The following RIT2 variants were observed in gnomAD, a reference collection of about 807,000 sequenced individuals.
RIT2 encodes GTP-binding protein Rit2.
In RIT2, 24 loss-of-function variants were observed where a neutral mutation model predicts 23.7. That is an observed-to-expected ratio of 1.01 (90% CI 0.73 to 1.43). RIT2 has a LOEUF of 1.43. Among genes scored for constraint, RIT2 ranks in the 40% most tolerant of loss-of-function variants. The probability of loss-of-function intolerance (pLI) is 0.00; values close to 1 mark genes in which losing one functional copy is unlikely to be tolerated. For synonymous variants in RIT2, 107 were observed against 91.1 expected, an observed-to-expected ratio of 1.17 and a Z score of -0.99; for missense variants, 236 against 266.9, an observed-to-expected ratio of 0.88 and a Z score of 0.81.
At chr18:42,770,362 A>G (rs1368406410) in intron 4 of RIT2, among the ~76,000 whole-genome samples, 1 of 152,196 alleles carries the variant, frequency 6.6e-6, no homozygotes, top group Admixed American at 6.5e-5. Flanking sequence ...GCCCCTCCAT[A>G]GACTACACAC....
At chr18:42,994,353 G>A (rs924865955) in intron 2 of RIT2, among the ~76,000 whole-genome samples, 25 of 152,078 alleles carry the variant, frequency 1.6e-4, no homozygotes, top group South Asian at 4.2e-4. Context: ...CCTGCCGATC[G>A]TGTCCGACTG....
At chr18:42,836,003 C>CT (rs1906593185) in intron 4 of RIT2, among the ~76,000 whole-genome samples, 1 of 152,104 alleles carries the variant, frequency 6.6e-6, no homozygotes, top group Admixed American at 6.5e-5. Flanking sequence ...ATGAGGTAAT[C>CT]TTTAAGTTTC....
chr18:42,795,316 T>A (rs1327813271), intron 4 of RIT2, among the ~76,000 whole-genome samples: 1 of 152,018 alleles, frequency 6.6e-6, no homozygotes, highest in Admixed American at 6.5e-5. Context: ...CGGGTGGGCG[T>A]GGGCTTGGAA....
chr18:42,960,594 C>T (rs1347007246), intron 3 of RIT2, among the ~76,000 whole-genome samples: 2 of 152,110 alleles, frequency 1.3e-5, no homozygotes, highest in East Asian at 3.9e-4. Flanking sequence ...GGATTACAGG[C>T]GTGAGCCACT....
At chr18:43,101,747 G>A (rs1462577390) in intron 1 of RIT2, among the ~76,000 whole-genome samples, 3 of 152,136 alleles carry the variant, frequency 2.0e-5, no homozygotes, top group African/African-American at 7.2e-5. Flanking sequence ...AGGTAAAAAT[G>A]TTTTCAATTT....
intron 1 of RIT2, among the ~76,000 whole-genome samples, chr18:43,105,498 A>AGGAAGAAAGGG (rs1568083831): frequency 3.8e-5 from 2 of 52,154 alleles, no homozygotes; most frequent in African/African-American, 1.3e-4. Context: ...GGGAGGAAGA[A>AGGAAGAAAGGG]AGGGAGGGAG....
intron 4 of RIT2, among the ~76,000 whole-genome samples, chr18:42,809,001 G>A (rs1432501847): frequency 2.6e-5 from 4 of 152,098 alleles, no homozygotes; most frequent in Non-Finnish European, 5.9e-5. Context: ...TACGCACATT[G>A]GGTGAAATTT....
At chr18:42,770,058 G>A (rs1913515336) in intron 4 of RIT2, among the ~76,000 whole-genome samples, 1 of 151,774 alleles carries the variant, frequency 6.6e-6, no homozygotes, top group African/African-American at 2.4e-5. Flanking sequence ...TGGAAAGAAA[G>A]TGCAGTTTAT....
chr18:42,977,663 A>G (rs1031176181), intron 2 of RIT2, among the ~76,000 whole-genome samples: 1 of 151,814 alleles, frequency 6.6e-6, no homozygotes, highest in Non-Finnish European at 1.5e-5. Context: ...AGGGGTTTGT[A>G]AAATAATGGT....
intron 1 of RIT2, among the ~76,000 whole-genome samples, chr18:43,107,622 G>A (rs1913855351): frequency 1.3e-5 from 2 of 151,950 alleles, no homozygotes; most frequent in South Asian, 4.2e-4. Flanking sequence ...TAATTACTGG[G>A]TTACTTGGTT....
intron 2 of RIT2, among the ~76,000 whole-genome samples, chr18:43,000,425 G>A (rs1236934858): frequency 1.3e-5 from 2 of 152,014 alleles, no homozygotes; most frequent in African/African-American, 2.4e-5. Context: ...AAGGGAGATC[G>A]ATACAATTTT....
At chr18:42,978,064 T>C (rs1434986156) in intron 2 of RIT2, among the ~76,000 whole-genome samples, 1 of 151,864 alleles carries the variant, frequency 6.6e-6, no homozygotes, top group East Asian at 1.9e-4. Context: ...GGATTATAAG[T>C]GAATCTTTCA....
chr18:43,084,540 G>A (rs964673250), intron 1 of RIT2, among the ~76,000 whole-genome samples: 2 of 152,186 alleles, frequency 1.3e-5, no homozygotes, highest in Admixed American at 1.3e-4. Context: ...ATACACCATG[G>A]AAAACTATGC....
intron 1 of RIT2, among the ~76,000 whole-genome samples, chr18:43,074,226 G>T (rs899213738): frequency 6.6e-6 from 1 of 152,100 alleles, no homozygotes; most frequent in Non-Finnish European, 1.5e-5. Flanking sequence ...TAAAAATTTT[G>T]CAATTAAACC....
chr18:42,882,462 G>C (rs902628863), intron 4 of RIT2, among the ~76,000 whole-genome samples: 3 of 152,134 alleles, frequency 2.0e-5, no homozygotes, highest in African/African-American at 7.2e-5. Context: ...TAAAGACTTT[G>C]ACCTAGAAGG....
chr18:42,831,590 G>T (rs1439064992), intron 4 of RIT2, among the ~76,000 whole-genome samples: 1 of 152,110 alleles, frequency 6.6e-6, no homozygotes, highest in African/African-American at 2.4e-5. Flanking sequence ...TCTTAAAGGA[G>T]AGTTCCAAAG....
intron 1 of RIT2, among the ~76,000 whole-genome samples, chr18:43,111,223 C>T (rs1913945231): frequency 6.6e-6 from 1 of 152,038 alleles, no homozygotes; most frequent in Non-Finnish European, 1.5e-5. Flanking sequence ...TGCATGGTCT[C>T]ATTCATTTGT....
Position 42,923,593 on chromosome 18 carries a change from A to C in RIT2, c.405T>G (p.Ile135Met). The C allele has an allele frequency of 1.2e-6, 2 of 1,613,364 alleles. No homozygotes were observed. Among genetic ancestry groups the C allele is most frequent in the Non-Finnish European group, 1.7e-6 (2 of 1,179,558 alleles). Residue 135 changes from isoleucine (I) to methionine (M), a missense_variant, in exon 4 of 5, where the codon ATT becomes ATG. Transcript: ENST00000326695. ...TCACCTGGCGGAACTGTTCCAGATC[A>C]ATTTTGTTACCCACCAGCACCAGGG... ...EIPLVLVGNK[I>M]DLEQFRQVST... is the part of the protein sequence containing the mutation.
intron 1 of RIT2, among the ~76,000 whole-genome samples, chr18:43,056,729 G>A (rs1243072593): frequency 1.3e-5 from 2 of 152,116 alleles, no homozygotes; most frequent in Admixed American, 6.6e-5. Context: ...TGTATACTAG[G>A]CACTGTACTC....
Sources: gnomAD v4.1 joint callset for allele counts (sites outside exome capture counted in the v4.1 genomes callset) on GRCh38, gnomAD v4.1.1 for gene constraint, MANE v1.5 for transcripts, NCBI Gene and HGNC (gene_info 2026-07-23, HGNC 2026-07-21) for gene names.